The following KLHL1 variants were observed in gnomAD, a reference collection of about 807,000 sequenced individuals.
The protein encoded by KLHL1 is kelch like family member 1.
KLHL1 carries 47 observed loss-of-function variants against 77.7 expected under a neutral mutation model. The observed-to-expected ratio is 0.60, with a 90% CI of 0.48 to 0.77. KLHL1 has a LOEUF of 0.77. KLHL1 is among the 30% of genes least tolerant of loss of function. The pLI, the probability that KLHL1 is intolerant of heterozygous loss-of-function variation, is 0.00. For missense variants in KLHL1, 925 were observed against 910.8 expected, an observed-to-expected ratio of 1.02 and a Z score of -0.20; for synonymous variants, 360 against 325.2, an observed-to-expected ratio of 1.11 and a Z score of -1.15.
chr13:69,740,977 C>A (rs553676684), intron 7 of KLHL1, among the ~76,000 whole-genome samples: 1 of 152,016 alleles, frequency 6.6e-6, no homozygotes, highest in African/African-American at 2.4e-5. Context: ...AAGAGCATTT[C>A]TACACTGCTA....
intron 1 of KLHL1, among the ~76,000 whole-genome samples, chr13:70,028,519 A>G (rs1295272730): frequency 6.6e-6 from 1 of 152,174 alleles, no homozygotes; most frequent in Non-Finnish European, 1.5e-5. Flanking sequence ...TTTTCAGGCA[A>G]AAAGCAGTCT....
chr13:69,945,149 C>A (rs7318244), intron 3 of KLHL1, among the ~76,000 whole-genome samples: 1 of 151,602 alleles, frequency 6.6e-6, no homozygotes, highest in East Asian at 1.9e-4. Context: ...CCACGCCCAG[C>A]TAATTTTTTG....
At chr13:69,919,392 T>A (rs1342893370) in intron 4 of KLHL1, among the ~76,000 whole-genome samples, 1 of 152,140 alleles carries the variant, frequency 6.6e-6, no homozygotes, top group Non-Finnish European at 1.5e-5. Flanking sequence ...CTTTACTGGA[T>A]CCTTTTTTTA....
At chr13:70,014,299 G>A (rs1441563) in intron 1 of KLHL1, among the ~76,000 whole-genome samples, 18,563 of 151,962 alleles carry the variant, frequency 0.12, 2,121 homozygotes, top group African/African-American at 0.3. Context: ...TAAGAAAAGC[G>A]AATAATGATC....
chr13:69,861,006 C>T (rs961437562), intron 5 of KLHL1, among the ~76,000 whole-genome samples: 18 of 151,940 alleles, frequency 1.2e-4, no homozygotes, highest in Non-Finnish European at 2.4e-4. Context: ...ATTGTCCATA[C>T]GGTGAGTTAT....
chr13:69,919,280 C>A (rs771445121), intron 4 of KLHL1, among the ~76,000 whole-genome samples: 10 of 152,088 alleles, frequency 6.6e-5, no homozygotes, highest in Non-Finnish European at 1.5e-4. Flanking sequence ...TTATAGAAAT[C>A]TGTGCTTGTT....
At chr13:69,744,167 A>G (rs751947552) in intron 7 of KLHL1, among the ~76,000 whole-genome samples, 34 of 152,308 alleles carry the variant, frequency 2.2e-4, no homozygotes, top group South Asian at 4.1e-4. Context: ...TCTAGCTTTA[A>G]GTAGCTCTAG....
chr13:70,076,743 T>A (rs1039259641), intron 1 of KLHL1, among the ~76,000 whole-genome samples: 2 of 151,736 alleles, frequency 1.3e-5, no homozygotes, highest in African/African-American at 4.8e-5. Context: ...ATATTTCTGA[T>A]AAAGGAACTG....
chr13:69,772,751 ACAAAGTGTTGT>A (rs1193321604), intron 7 of KLHL1, among the ~76,000 whole-genome samples: 1 of 152,196 alleles, frequency 6.6e-6, no homozygotes, highest in Non-Finnish European at 1.5e-5. Context: ...TTCTGGATGA[ACAAAGTGTTGT>A]TTCTGAATAA....
chr13:69,872,262 G>A (rs986515736), intron 5 of KLHL1, among the ~76,000 whole-genome samples: 1 of 152,062 alleles, frequency 6.6e-6, no homozygotes, highest in African/African-American at 2.4e-5. Flanking sequence ...GTACATAGGG[G>A]GGACTCCAGG....
chr13:69,752,664 A>G (rs932119630), intron 7 of KLHL1, among the ~76,000 whole-genome samples: 1 of 152,180 alleles, frequency 6.6e-6, no homozygotes, highest in Non-Finnish European at 1.5e-5. Context: ...ACAAGCTCCA[A>G]TGGGAGATAT....
intron 4 of KLHL1, among the ~76,000 whole-genome samples, chr13:69,892,400 T>C (rs1194755806): frequency 1.3e-5 from 2 of 152,140 alleles, no homozygotes; most frequent in East Asian, 3.8e-4. Context: ...GATGAAAGAA[T>C]AAAAATAATG....
chr13:69,929,265 C>T (rs1005625427), intron 4 of KLHL1, among the ~76,000 whole-genome samples: 2 of 151,910 alleles, frequency 1.3e-5, no homozygotes, highest in Non-Finnish European at 2.9e-5. Context: ...AACGTCAAGC[C>T]TTCTGGTTTT....
chr13:69,780,993 TAA>T (rs1876158867), intron 7 of KLHL1, among the ~76,000 whole-genome samples: 4 of 63,430 alleles, frequency 6.3e-5, no homozygotes, highest in Admixed American at 1.1e-4. Flanking sequence ...ATTATTTTAG[TAA>T]GTAAGTAAGT....
intron 7 of KLHL1, among the ~76,000 whole-genome samples, chr13:69,771,402 T>C (rs751221022): frequency 6.6e-6 from 1 of 152,208 alleles, no homozygotes. Context: ...TTTAATGAGC[T>C]ACTTTATCTC....
intron 1 of KLHL1, among the ~76,000 whole-genome samples, chr13:70,003,379 T>C (rs1242834645): frequency 6.6e-6 from 1 of 151,716 alleles, no homozygotes; most frequent in Non-Finnish European, 1.5e-5. Context: ...TAGAGATGTG[T>C]GGAGTTTAGA....
Position 69,985,144 on chromosome 13 carries a change from C to A in KLHL1, c.498-9342G>T, listed in dbSNP as rs191200627. On this transcript the variant is annotated intron_variant, in intron 1 of 10. Coordinates refer to ENST00000377844, the MANE Select transcript of KLHL1 (RefSeq NM_020866.3). ...ACAAACAAGCAAACAACAACAACAA[C>A]AAAAAACCTCTGTGCAAAAAAAGAT... Among the ~76,000 whole-genome samples, 130 of 147,988 alleles carry A rather than the reference C, an allele frequency of 8.8e-4. 2 individuals carry two copies. The highest frequency in any genetic ancestry group is 1.9e-3 in the East Asian group (10 of 5,136).
rs1453149795 is a variant in KLHL1 at position 69,904,857 on chromosome 13, CTTGGAATCTTCATTACCAAGGAT to C, written c.1015-22385_1015-22363del. ...CTCATAATATGATTCCTTTAACTGC[CTTGGAATCTTCATTACCAAGGAT>C]TTGTAGTTAATCTCTCTGTTGATTC... On this transcript the variant is annotated intron_variant, in intron 4 of 10. Coordinates refer to ENST00000377844, the MANE Select transcript of KLHL1 (RefSeq NM_020866.3). 3.3e-5 allele frequency among the ~76,000 whole-genome samples: 5 copies of C among 152,242 alleles called. No homozygotes were observed. In the East Asian group the frequency reaches 9.7e-4, roughly 29 times the overall value.
chr13:69,909,941 G>T (rs532576815), intron 4 of KLHL1, among the ~76,000 whole-genome samples: 1 of 152,112 alleles, frequency 6.6e-6, no homozygotes, highest in Non-Finnish European at 1.5e-5. Context: ...ACAGCGTCAA[G>T]GATCCTTTCC....
Sources: gnomAD v4.1 joint callset for allele counts (sites outside exome capture counted in the v4.1 genomes callset) on GRCh38, gnomAD v4.1.1 for gene constraint, MANE v1.5 for transcripts, NCBI Gene and HGNC (gene_info 2026-07-23, HGNC 2026-07-21) for gene names.